Variants in ANO2 observed in about 807,000 individuals in gnomAD.
The protein encoded by ANO2 is anoctamin 2, also known as anoctamin-2.
In ANO2, 101 loss-of-function variants were observed where a neutral mutation model predicts 124.2. The observed-to-expected ratio is 0.81, with a 90% CI of 0.69 to 0.96. ANO2 has a LOEUF of 0.96. Among genes scored for constraint, ANO2 ranks in the 40% least tolerant of loss-of-function variants. ANO2 has a pLI of 0.00. For synonymous variants in ANO2, 486 were observed against 482.5 expected (o/e 1.01, Z -0.09); for missense variants, 1,293 against 1,274.5 (o/e 1.01, Z -0.22).
At chr12:5,583,777 G>A (rs1009849278) in intron 20 of ANO2, 4 of 162,800 alleles carry the variant, frequency 2.5e-5, no homozygotes, top group African/African-American at 9.6e-5. Context: ...GGCAAAGCAG[G>A]ACTACCAGAT....
At chr12:5,927,766 C>T (rs1419611055) in intron 1 of ANO2, among the ~76,000 whole-genome samples, 1 of 152,254 alleles carries the variant, frequency 6.6e-6, no homozygotes, top group East Asian at 1.9e-4. Context: ...AGCCTGAAGG[C>T]ATCATCTCTA....
At chr12:5,796,430 TCACA>T (rs1952855884) in intron 10 of ANO2, among the ~76,000 whole-genome samples, 1 of 148,606 alleles carries the variant, frequency 6.7e-6, no homozygotes, top group Non-Finnish European at 1.5e-5. Flanking sequence ...ACTCTTACAC[TCACA>T]CACATGCACT....
chr12:5,760,836 C>T (rs1028683078), intron 10 of ANO2, among the ~76,000 whole-genome samples: 2 of 152,112 alleles, frequency 1.3e-5, no homozygotes, highest in African/African-American at 4.8e-5. Context: ...CAACTGCTCG[C>T]TTTAACTTCC....
At chr12:5,672,652 T>A (rs60697111) in intron 14 of ANO2, among the ~76,000 whole-genome samples, 1 of 152,046 alleles carries the variant, frequency 6.6e-6, no homozygotes, top group Non-Finnish European at 1.5e-5. Flanking sequence ...TATGCACACA[T>A]ATTTTCACAA....
intron 3 of ANO2, among the ~76,000 whole-genome samples, chr12:5,905,633 T>C (rs1940624012): frequency 6.6e-6 from 1 of 152,220 alleles, no homozygotes; most frequent in South Asian, 2.1e-4. Flanking sequence ...TAGGAAATCA[T>C]GTCTGCGTCT....
rs746073538 is a variant in ANO2, at chr12:5,832,535, C to T, written c.702G>A (p.Ser234=). The T allele has an allele frequency of 4.3e-5, 69 of 1,613,790 alleles. No individual in the cohort carries two copies. The highest frequency in any genetic ancestry group is 5.0e-5 in the Non-Finnish European group (59 of 1,179,884). The change falls in exon 5 of 25, where the codon TCG becomes TCA. Residue 234 remains serine (S), a synonymous_variant. Coordinates refer to ENST00000682330, the MANE Select transcript of ANO2 (RefSeq NM_001364791.2). ...GTTCTGGAACTCGGGGCTGCAGGTG[C>T]GAGCTCAGCTTCTGCAGAGCCGCGC... ...KFSAALQKLS[S]HLQPRVPEHS... is the part of the protein sequence containing the mutation.
chr12:5,941,623 C>T (rs1387406272), intron 1 of ANO2, among the ~76,000 whole-genome samples: 1 of 149,658 alleles, frequency 6.7e-6, no homozygotes, highest in Non-Finnish European at 1.5e-5. Flanking sequence ...TGATAAAATA[C>T]AATAACTTGT....
At chr12:5,772,395 C>T (rs551615382) in intron 10 of ANO2, among the ~76,000 whole-genome samples, 8 of 152,266 alleles carry the variant, frequency 5.3e-5, no homozygotes, top group African/African-American at 1.7e-4. Flanking sequence ...TTGCCGTAGT[C>T]GCCTAAATCT....
intron 3 of ANO2, among the ~76,000 whole-genome samples, chr12:5,919,021 T>C (rs1391761715): frequency 1.3e-5 from 2 of 152,130 alleles, no homozygotes; most frequent in Non-Finnish European, 2.9e-5. Flanking sequence ...TCCTGGGTGC[T>C]GGGGATGTGC....
intron 14 of ANO2, among the ~76,000 whole-genome samples, chr12:5,722,840 G>A (rs1382739870): frequency 6.6e-6 from 1 of 152,212 alleles, no homozygotes; most frequent in East Asian, 1.9e-4. Flanking sequence ...CAAACTGCTA[G>A]CTCCGGCTGC....
Position 5,753,220 on chromosome 12 carries a change from A to G in ANO2, c.1056-2250T>C, listed in dbSNP as rs558405430. ...TCCAAAGATGAATTTAAGGGCTTCA[A>G]TATTTAAAGGGGAAATATTGGGCTA... On this transcript the variant is annotated intron_variant, in intron 10 of 24. Transcript: ENST00000682330. 6.4e-4 allele frequency among the ~76,000 whole-genome samples: 97 copies of G among 152,304 alleles called. 2 individuals carry two copies. In the South Asian group the frequency reaches 0.019, roughly 30 times the overall value.
intron 3 of ANO2, among the ~76,000 whole-genome samples, chr12:5,896,331 CTAA>C (rs745526789): frequency 2.0e-5 from 3 of 152,092 alleles, no homozygotes; most frequent in Non-Finnish European, 4.4e-5. Context: ...AGATCAACAA[CTAA>C]TAAAATCACA....
At chr12:5,578,092 A>C (rs560703190) in intron 21 of ANO2, 85 bp from the exon 22 acceptor site, 1 of 1,504,926 alleles carries the variant, frequency 6.6e-7, no homozygotes, top group African/African-American at 1.4e-5. Flanking sequence ...GATGTTTTGC[A>C]GGTGAACTAC....
intron 15 of ANO2, among the ~76,000 whole-genome samples, chr12:5,645,612 A>AT (rs1384725272): frequency 2.0e-5 from 3 of 152,102 alleles, no homozygotes; most frequent in African/African-American, 7.2e-5. Context: ...CTTTGTGTAT[A>AT]TTTTTAAGGT....
chr12:5,563,248 G>A lies in ANO2; in HGVS notation c.*51C>T. The A allele has an allele frequency of 6.4e-7, 1 of 1,551,266 alleles. No individual in the cohort carries two copies. Among genetic ancestry groups the A allele is most frequent in the African/African-American group, 1.4e-5 (1 of 73,828 alleles). The stretch of plus-strand genomic sequence containing the variant: ...TGTGGGTGTAGGAACATGCTTACGT[G>A]CATGTGCGTGTCTCTGCTGCCGTGC... On this transcript the variant is annotated 3_prime_UTR_variant, in exon 25 of 25. Transcript: ENST00000682330.
At chr12:5,794,902 G>A (rs1443562495) in intron 10 of ANO2, among the ~76,000 whole-genome samples, 1 of 152,226 alleles carries the variant, frequency 6.6e-6, no homozygotes, top group African/African-American at 2.4e-5. Flanking sequence ...ATTGATCAAC[G>A]TTTTTCTCTC....
At chr12:5,824,289 A>G (rs1475591092) in intron 7 of ANO2, among the ~76,000 whole-genome samples, 1 of 152,164 alleles carries the variant, frequency 6.6e-6, no homozygotes, top group Non-Finnish European at 1.5e-5. Flanking sequence ...CCAAACTTTT[A>G]TGTTCTGCTT....
intron 14 of ANO2, among the ~76,000 whole-genome samples, chr12:5,702,751 C>A (rs1405269437): frequency 1.3e-5 from 2 of 152,068 alleles, no homozygotes; most frequent in African/African-American, 4.8e-5. Context: ...TTTCTTAAGA[C>A]ACAAAAACAT....
At chr12:5,916,641 G>A (rs1461835518) in intron 3 of ANO2, among the ~76,000 whole-genome samples, 1 of 149,020 alleles carries the variant, frequency 6.7e-6, no homozygotes, top group Non-Finnish European at 1.5e-5. Flanking sequence ...AACTGGGAAT[G>A]GGGTAGATGG....
Sources: gnomAD v4.1 joint callset for allele counts (sites outside exome capture counted in the v4.1 genomes callset) on GRCh38, gnomAD v4.1.1 for gene constraint, MANE v1.5 for transcripts, NCBI Gene and HGNC (gene_info 2026-07-23, HGNC 2026-07-21) for gene names.